RALGAPA1: variants seen among roughly 807,000 people sequenced by gnomAD.
The protein encoded by RALGAPA1 is Ral GTPase activating protein catalytic subunit alpha 1.
A neutral mutation model predicts 269.6 loss-of-function variants in RALGAPA1; 52 were observed. That is an observed-to-expected ratio of 0.19 (90% confidence interval 0.15 to 0.24). The LOEUF is 0.24. RALGAPA1 is among the 10% of genes least tolerant of loss of function. The probability of loss-of-function intolerance (pLI) is 1.00; values close to 1 mark genes in which losing one functional copy is unlikely to be tolerated. For missense variants in RALGAPA1, 1,917 were observed against 3,013.9 expected (o/e 0.64, Z 8.52); for synonymous variants, 817 against 1,008.3 (o/e 0.81, Z 3.60).
At chr14:35,581,038 GAC>G (rs1241204486) in intron 37 of RALGAPA1, among the ~76,000 whole-genome samples, 2 of 152,090 alleles carry the variant, frequency 1.3e-5, no homozygotes, top group Non-Finnish European at 2.9e-5. Context: ...TTTATAATAG[GAC>G]ACATGTTCTA....
intron 35 of RALGAPA1, among the ~76,000 whole-genome samples, chr14:35,617,862 T>G (rs573673542): frequency 6.6e-6 from 1 of 151,468 alleles, no homozygotes; most frequent in Admixed American, 6.6e-5. Flanking sequence ...GAGCAGATTG[T>G]CTGCATCAAG....
intron 1 of RALGAPA1, among the ~76,000 whole-genome samples, chr14:35,779,593 G>T (rs910969742): frequency 6.6e-6 from 1 of 150,662 alleles, no homozygotes; most frequent in African/African-American, 2.4e-5. Flanking sequence ...AAAGAAATAG[G>T]CTGCTACAAT....
intron 1 of RALGAPA1, among the ~76,000 whole-genome samples, chr14:35,798,590 C>T (rs1423398054): frequency 6.6e-6 from 1 of 152,128 alleles, no homozygotes; most frequent in Non-Finnish European, 1.5e-5. Context: ...TAAATATGTA[C>T]AAATTATGTA....
chr14:35,540,241 C>T (rs1034625333), intron 41 of RALGAPA1, among the ~76,000 whole-genome samples: 3 of 152,028 alleles, frequency 2.0e-5, no homozygotes, highest in Admixed American at 1.3e-4. Context: ...TATTTAAAGA[C>T]GGCTTTAAGA....
chr14:35,713,336 G>A (rs939010933), intron 16 of RALGAPA1, among the ~76,000 whole-genome samples: 5 of 152,126 alleles, frequency 3.3e-5, no homozygotes, highest in Non-Finnish European at 2.9e-5. Flanking sequence ...AGAGAGAGAA[G>A]AGTTGAAGCT....
intron 12 of RALGAPA1, among the ~76,000 whole-genome samples, chr14:35,732,807 G>T (rs2070628548): frequency 6.6e-6 from 1 of 152,142 alleles, no homozygotes; most frequent in Admixed American, 6.5e-5. Context: ...AATAGTGGGG[G>T]ACTTCAATTC....
intron 39 of RALGAPA1, among the ~76,000 whole-genome samples, chr14:35,567,722 C>T (rs1002634459): frequency 6.6e-6 from 1 of 152,124 alleles, no homozygotes; most frequent in East Asian, 1.9e-4. Flanking sequence ...AGGAGTGCAT[C>T]TTAAATGTTG....
chr14:35,690,631 T>G (rs748551605), intron 17 of RALGAPA1, among the ~76,000 whole-genome samples: 6 of 152,206 alleles, frequency 3.9e-5, no homozygotes, highest in Non-Finnish European at 8.8e-5. Flanking sequence ...ATATATTTTT[T>G]AAAAAATCAA....
intron 13 of RALGAPA1, among the ~76,000 whole-genome samples, chr14:35,727,256 CAGAG>C (rs1229789873): frequency 4.2e-5 from 6 of 143,158 alleles, no homozygotes; most frequent in Non-Finnish European, 7.5e-5. Flanking sequence ...TGCCTCAAAA[CAGAG>C]AGAAATAACT....
At chr14:35,542,068 A>G (rs1343817950) in intron 41 of RALGAPA1, 1 of 1,128,414 alleles carries the variant, frequency 8.9e-7, no homozygotes, top group East Asian at 5.8e-5. Context: ...AGAAAAGAAG[A>G]AAAAAGGTCT....
At chr14:35,719,506 T>C (rs2069172873) in intron 16 of RALGAPA1, among the ~76,000 whole-genome samples, 2 of 152,296 alleles carry the variant, frequency 1.3e-5, no homozygotes, top group Non-Finnish European at 2.9e-5. Flanking sequence ...GTAATCACTA[T>C]GAGCTATGAA....
At chr14:35,712,598 T>C (rs1453742015) in intron 16 of RALGAPA1, among the ~76,000 whole-genome samples, 1 of 152,166 alleles carries the variant, frequency 6.6e-6, no homozygotes, top group Non-Finnish European at 1.5e-5. Context: ...GGCTTCAAAC[T>C]CTTGGGCTCA....
At chr14:35,554,626 G>A (rs1417080484) in intron 39 of RALGAPA1, among the ~76,000 whole-genome samples, 1 of 152,058 alleles carries the variant, frequency 6.6e-6, no homozygotes, top group African/African-American at 2.4e-5. Context: ...GATTACAGGC[G>A]TGAGCCACCG....
intron 4 of RALGAPA1, among the ~76,000 whole-genome samples, chr14:35,767,611 C>G (rs2074256940): frequency 6.6e-6 from 1 of 152,042 alleles, no homozygotes; most frequent in Middle Eastern, 3.2e-3. Flanking sequence ...TTGCTTGAAC[C>G]CAGGAGGCAG....
chr14:35,682,881 A>G (rs752917062), intron 21 of RALGAPA1, among the ~76,000 whole-genome samples: 4 of 152,290 alleles, frequency 2.6e-5, no homozygotes, highest in Non-Finnish European at 5.9e-5. Flanking sequence ...AGTTCTTGCC[A>G]TCTGGGAAAA....
intron 39 of RALGAPA1, among the ~76,000 whole-genome samples, chr14:35,553,575 C>A (rs2055232493): frequency 6.6e-6 from 1 of 152,050 alleles, no homozygotes; most frequent in African/African-American, 2.4e-5. Flanking sequence ...ATGGCACAAC[C>A]AGTAGGCTGT....
At chr14:35,574,244 T>A (rs2057401314) in intron 37 of RALGAPA1, among the ~76,000 whole-genome samples, 1 of 152,234 alleles carries the variant, frequency 6.6e-6, no homozygotes, top group South Asian at 2.1e-4. Flanking sequence ...ATTTATCTGC[T>A]ACATTAACCC....
chr14:35,546,680 T>A (rs1265451384), intron 41 of RALGAPA1, among the ~76,000 whole-genome samples: 1 of 152,062 alleles, frequency 6.6e-6, no homozygotes, highest in Non-Finnish European at 1.5e-5. Flanking sequence ...ATTTTTTCAA[T>A]GTGGTGAACA....
chr14:35,635,832 A>C (rs1218450317), intron 31 of RALGAPA1, among the ~76,000 whole-genome samples: 1 of 152,228 alleles, frequency 6.6e-6, no homozygotes, highest in Admixed American at 6.5e-5. Context: ...CATAATAAAA[A>C]CAGAAATGTT....
Sources: gnomAD v4.1 joint callset for allele counts (sites outside exome capture counted in the v4.1 genomes callset) on GRCh38, gnomAD v4.1.1 for gene constraint, MANE v1.5 for transcripts, NCBI Gene and HGNC (gene_info 2026-07-23, HGNC 2026-07-21) for gene names.